The following ANK2 variants were observed in gnomAD, a reference collection of about 807,000 sequenced individuals.
ANK2 encodes the protein ankyrin-2.
ANK2 carries 83 observed loss-of-function variants against 360.5 expected under a neutral mutation model. That is an observed-to-expected ratio of 0.23 (90% CI 0.19 to 0.28). The LOEUF (loss-of-function observed/expected upper bound fraction) is 0.28, where lower values mean the gene tolerates loss of function less well. Ranked by LOEUF, ANK2 falls within the 10% of genes least tolerant of loss-of-function variation. ANK2 has a pLI of 1.00. For missense variants in ANK2, 4,201 were observed against 4,795.7 expected (o/e 0.88, Z 3.66); for synonymous variants, 1,740 against 1,759.5 (o/e 0.99, Z 0.28).
chr4:113,087,701 A>G (rs1209258806), intron 1 of ANK2, among the ~76,000 whole-genome samples: 2 of 152,142 alleles, frequency 1.3e-5, no homozygotes, highest in Admixed American at 6.5e-5. Context: ...TTTAATAATT[A>G]TTTACTTTAA....
intron 1 of ANK2, among the ~76,000 whole-genome samples, chr4:113,142,774 G>A (rs2096680765): frequency 6.6e-6 from 1 of 152,040 alleles, no homozygotes; most frequent in Non-Finnish European, 1.5e-5. Flanking sequence ...AGTTATTTAG[G>A]GAAAGTGTAT....
Position 112,890,556 on chromosome 4 carries a change from GTTTTTTTTTTT to G in ANK2, c.-39-13881_-39-13871del, listed in dbSNP as rs754680934. ...GGAATTTATGATATACATTTCTGTGGTTTTTTTTTTTTTTTTTTTTTTTTTTTTGAGACGGA... is the reference window on the plus strand; with the variant it reads ...GGAATTTATGATATACATTTCTGTGGTTTTTTTTTTTTTTTTTGAGACGGA... On this transcript the variant is annotated intron_variant, in intron 1 of 30. Coordinates refer to the ANK2 transcript ENST00000503271. 4.1e-3 allele frequency among the ~76,000 whole-genome samples: 279 copies of G among 67,486 alleles called. 2 individuals carry two copies. Among genetic ancestry groups the G allele is most frequent in the African/African-American group, 0.019 (266 of 13,966 alleles). The allele number at this position is 67,486 out of a possible 152,430, so 44.3% of individuals were successfully genotyped here. A position where few individuals can be genotyped will look rare whatever the true frequency, so the allele number is the denominator to read the frequency against.
chr4:112,876,317 G>C (rs1173301387), intron 1 of ANK2, among the ~76,000 whole-genome samples: 1 of 152,080 alleles, frequency 6.6e-6, no homozygotes, highest in Non-Finnish European at 1.5e-5. Flanking sequence ...TTAAATCAAT[G>C]TAACTTTGCA....
At chr4:113,079,003 T>C (rs1227191851) in intron 1 of ANK2, among the ~76,000 whole-genome samples, 1 of 152,166 alleles carries the variant, frequency 6.6e-6, no homozygotes, top group Non-Finnish European at 1.5e-5. Context: ...TACGTTTTTT[T>C]AAAAAAGGAA....
intron 2 of ANK2, among the ~76,000 whole-genome samples, chr4:112,917,738 C>T (rs1200391832): frequency 6.6e-6 from 1 of 152,132 alleles, no homozygotes; most frequent in Non-Finnish European, 1.5e-5. Context: ...ATTAAGTAAC[C>T]TCACAGGAAG....
chr4:113,024,232 C>T (rs915380043), intron 2 of ANK2, among the ~76,000 whole-genome samples: 15 of 152,086 alleles, frequency 9.9e-5, no homozygotes, highest in Non-Finnish European at 1.9e-4. Context: ...TCCTCCATCA[C>T]AGAGGCAGGG....
At chr4:112,905,579 T>C (rs2084915431) in intron 2 of ANK2, among the ~76,000 whole-genome samples, 1 of 152,222 alleles carries the variant, frequency 6.6e-6, no homozygotes, top group Non-Finnish European at 1.5e-5. Context: ...ATGGCTATTC[T>C]TTTGAGTGCT....
chr4:112,988,333 A>G (rs1039816707), intron 2 of ANK2, among the ~76,000 whole-genome samples: 4 of 152,214 alleles, frequency 2.6e-5, no homozygotes, highest in African/African-American at 9.6e-5. Flanking sequence ...TGTTAGGAGC[A>G]TGTCTTACAG....
intron 4 of ANK2, among the ~76,000 whole-genome samples, chr4:113,227,147 C>T (rs1334742637): frequency 6.6e-6 from 1 of 152,144 alleles, no homozygotes; most frequent in African/African-American, 2.4e-5. Flanking sequence ...GTTTCACATT[C>T]TCCAGTGGGC....
intron 2 of ANK2, among the ~76,000 whole-genome samples, chr4:112,957,463 C>T (rs1581893200): frequency 6.6e-6 from 1 of 152,250 alleles, no homozygotes; most frequent in Non-Finnish European, 1.5e-5. Context: ...TTTTCCCCGC[C>T]TTTCCCCCCT....
At chr4:112,826,929 A>G in intron 1 of ANK2, 1 of 1,535,714 alleles carries the variant, frequency 6.5e-7, no homozygotes, top group Non-Finnish European at 9.0e-7. Context: ...TGTCTTAGCA[A>G]CAAACTCTGA....
intron 2 of ANK2, among the ~76,000 whole-genome samples, chr4:112,943,204 C>A (rs1179111379): frequency 6.6e-6 from 1 of 152,156 alleles, no homozygotes; most frequent in African/African-American, 2.4e-5. Context: ...CAACAGTTAG[C>A]TAATTCTTCT....
At chr4:113,197,550 A>G (rs1218509912) in intron 3 of ANK2, among the ~76,000 whole-genome samples, 1 of 152,212 alleles carries the variant, frequency 6.6e-6, no homozygotes, top group Admixed American at 6.5e-5. Flanking sequence ...TCTGGTCTCT[A>G]GATGGGACAC....
chr4:112,924,665 T>G lies in ANK2; in HGVS notation c.21+20151T>G, dbSNP rs563051679. On this transcript the variant is annotated intron_variant, in intron 2 of 30. Transcript: ENST00000503271. ...AGGAAAAAAGTCCACTACCAATAAT[T>G]TTAAAATTTAGGATGTAAAAAAGTA... is the stretch of plus-strand genomic sequence containing the variant. Among the ~76,000 whole-genome samples, 5 of 151,980 alleles carry G rather than the reference T, an allele frequency of 3.3e-5. No individual in the cohort carries two copies. The South Asian group carries it at 1.0e-3, about 32-fold the overall frequency.
At chr4:112,788,651 C>A in the ANK2 span, 355,108 of 1,597,476 alleles carry the variant, frequency 0.22, 43,391 homozygotes, top group East Asian at 0.52. Context: ...TCGCAGGAGG[C>A]ACTTTCAGCC....
chr4:112,791,574 C>G, the ANK2 span, among the ~76,000 whole-genome samples: 1 of 150,946 alleles, frequency 6.6e-6, no homozygotes, highest in South Asian at 2.1e-4. Context: ...CTGCAAGCTC[C>G]GCCTCCCGGG....
intron 2 of ANK2, among the ~76,000 whole-genome samples, chr4:113,190,728 A>G (rs1197772845): frequency 6.6e-6 from 1 of 152,196 alleles, no homozygotes; most frequent in African/African-American, 2.4e-5. Flanking sequence ...TTGATAACTC[A>G]GAATGTTCAG....
the ANK2 span, among the ~76,000 whole-genome samples, chr4:112,812,980 C>T: frequency 7.6e-4 from 115 of 152,196 alleles, no homozygotes; most frequent in African/African-American, 2.7e-3. Flanking sequence ...TGGCTCATAC[C>T]TGTAATCTCA....
At chr4:113,112,348 G>C (rs1037971481) in intron 1 of ANK2, among the ~76,000 whole-genome samples, 5 of 152,178 alleles carry the variant, frequency 3.3e-5, no homozygotes, top group African/African-American at 1.2e-4. Context: ...GACTCCACAA[G>C]CTGGGCTGTT....
Sources: allele counts gnomAD v4.1 joint callset (sites outside exome capture counted in the v4.1 genomes callset), GRCh38; gene constraint gnomAD v4.1.1; transcripts MANE v1.5; gene names NCBI Gene and HGNC (gene_info 2026-07-23, HGNC 2026-07-21).